Variants in THSD4 observed in about 807,000 individuals in gnomAD.
THSD4 encodes thrombospondin type 1 domain containing 4, also known as thrombospondin type-1 domain-containing protein 4.
THSD4 carries 69 observed loss-of-function variants against 119.0 expected under a neutral mutation model. The observed-to-expected ratio is 0.58, with a 90% CI of 0.48 to 0.71. The LOEUF is 0.71. Ranked by LOEUF, THSD4 falls within the 30% of genes least tolerant of loss-of-function variation. The pLI is 0.00. For synonymous variants in THSD4, 524 were observed against 540.4 expected, an observed-to-expected ratio of 0.97 and a Z score of 0.42; for missense variants, 1,393 against 1,391.1, an observed-to-expected ratio of 1.00 and a Z score of -0.02.
intron 6 of THSD4, among the ~76,000 whole-genome samples, chr15:71,306,209 G>A (rs779740875): frequency 4.2e-4 from 63 of 150,718 alleles, no homozygotes; most frequent in Non-Finnish European, 7.7e-4. Flanking sequence ...GGGAGGCTGA[G>A]GCAGGAGAAT....
At chr15:71,369,429 A>G (rs1247792713) in intron 6 of THSD4, among the ~76,000 whole-genome samples, 18 of 152,158 alleles carry the variant, frequency 1.2e-4, no homozygotes, top group Admixed American at 1.0e-3. Context: ...TGTCATGGAT[A>G]GCTCTTATTA....
chr15:71,703,717 A>ATG (rs2052338621), intron 8 of THSD4, among the ~76,000 whole-genome samples: 1 of 152,144 alleles, frequency 6.6e-6, no homozygotes, highest in Non-Finnish European at 1.5e-5. Flanking sequence ...GATGGGTCTA[A>ATG]TTCCTAGGGA....
At chr15:71,452,366 T>TGG (rs2047277124) in intron 7 of THSD4, among the ~76,000 whole-genome samples, 1 of 151,784 alleles carries the variant, frequency 6.6e-6, no homozygotes, top group East Asian at 2.0e-4. Context: ...CCCCCAGGTG[T>TGG]TTCTACCCTG....
intron 1 of THSD4, among the ~76,000 whole-genome samples, chr15:71,138,129 G>C (rs1243434838): frequency 6.6e-6 from 1 of 152,144 alleles, no homozygotes; most frequent in Non-Finnish European, 1.5e-5. Flanking sequence ...AAATAAAGGA[G>C]ATTTAATTGA....
At chr15:71,227,440 C>T (rs1443785858) in intron 4 of THSD4, among the ~76,000 whole-genome samples, 1 of 152,154 alleles carries the variant, frequency 6.6e-6, no homozygotes, top group African/African-American at 2.4e-5. Context: ...TGCCAGCCTG[C>T]GATGCCTTCA....
chr15:71,653,248 T>C (rs2051127136), intron 7 of THSD4, among the ~76,000 whole-genome samples: 2 of 152,264 alleles, frequency 1.3e-5, no homozygotes, highest in African/African-American at 2.4e-5. Context: ...GGAACTATTT[T>C]TGGAAACTGG....
chr15:71,391,905 T>C (rs905599849), intron 6 of THSD4, among the ~76,000 whole-genome samples: 2 of 151,962 alleles, frequency 1.3e-5, no homozygotes, highest in African/African-American at 4.8e-5. Flanking sequence ...AGGAAGGAAA[T>C]AGAATAATGA....
chr15:71,480,018 T>G (rs1040238552), intron 7 of THSD4, among the ~76,000 whole-genome samples: 2 of 152,198 alleles, frequency 1.3e-5, no homozygotes, highest in African/African-American at 4.8e-5. Flanking sequence ...ATACATTGTT[T>G]GTAACTTCCT....
At chr15:71,303,444 A>G (rs558267699) in intron 6 of THSD4, among the ~76,000 whole-genome samples, 1 of 152,348 alleles carries the variant, frequency 6.6e-6, no homozygotes, top group South Asian at 2.1e-4. Flanking sequence ...GTTGCAAAGA[A>G]TAATGTGTTA....
At chr15:71,457,226 G>T (rs2047352361) in intron 7 of THSD4, among the ~76,000 whole-genome samples, 1 of 151,758 alleles carries the variant, frequency 6.6e-6, no homozygotes, top group South Asian at 2.1e-4. Context: ...CACAAAAAAT[G>T]TAAAAATTAG....
intron 6 of THSD4, among the ~76,000 whole-genome samples, chr15:71,340,497 T>C (rs906144542): frequency 6.6e-6 from 1 of 152,094 alleles, no homozygotes; most frequent in African/African-American, 2.4e-5. Flanking sequence ...TTTTCCGCTG[T>C]GCTGGGAGCT....
chr15:71,614,989 G>A (rs955992118), intron 7 of THSD4, among the ~76,000 whole-genome samples: 7 of 152,146 alleles, frequency 4.6e-5, no homozygotes, highest in African/African-American at 9.7e-5. Context: ...GGTGTTGCGC[G>A]GAATAGGAAG....
upstream of THSD4, chr15:71,111,690 C>A (rs1258354213): frequency 1.7e-5 from 9 of 539,624 alleles, no homozygotes; most frequent in African/African-American, 1.7e-4. Flanking sequence ...TCCTTCAGAG[C>A]TTGAAATTAG....
Position 71,696,784 on chromosome 15 carries a change from C to G in THSD4, c.1358-31765C>G, listed in dbSNP as rs78144917. On this transcript the variant is annotated intron_variant, in intron 8 of 17. Transcript: ENST00000261862. ...AGGAAAACTCATGCTTCCTTCCAGC[C>G]CACCCCACTACAGGGCTTTGAGGCA... is the stretch of plus-strand genomic sequence containing the variant. Among the ~76,000 whole-genome samples, 1,478 of 152,226 alleles carry G rather than the reference C, an allele frequency of 9.7e-3. 19 individuals are homozygous for G. Among genetic ancestry groups the G allele is most frequent in the African/African-American group, 0.034 (1,401 of 41,540 alleles).
intron 4 of THSD4, among the ~76,000 whole-genome samples, chr15:71,221,920 T>G (rs2043978588): frequency 6.6e-6 from 1 of 152,202 alleles, no homozygotes; most frequent in African/African-American, 2.4e-5. Context: ...TTTCTGTTTT[T>G]TTTTGATAGT....
intron 16 of THSD4, among the ~76,000 whole-genome samples, chr15:71,766,382 C>G (rs953900418): frequency 6.6e-6 from 1 of 151,988 alleles, no homozygotes; most frequent in African/African-American, 2.4e-5. Context: ...GATCTTCAAG[C>G]AGAGGCTGTA....
rs570709393 is a variant in THSD4 at position 71,265,752 on chromosome 15, C to T, written c.1015+9037C>T. ...ACAGCAGTCTGAAGTCGACCTTAGACGCTTGAGCTTTGTGGGGGGGGAGGG... is the reference window on the plus strand; with the variant it reads ...ACAGCAGTCTGAAGTCGACCTTAGATGCTTGAGCTTTGTGGGGGGGGAGGG... On this transcript the variant is annotated intron_variant, in intron 6 of 17. Transcript: ENST00000261862. Among the ~76,000 whole-genome samples, 11 of 152,270 alleles carry T rather than the reference C, an allele frequency of 7.2e-5. 1 individual carries two copies. The South Asian group carries it at 1.7e-3, about 23-fold the overall frequency.
intron 7 of THSD4, among the ~76,000 whole-genome samples, chr15:71,443,714 A>G (rs1001302697): frequency 4.6e-5 from 7 of 152,182 alleles, no homozygotes; most frequent in African/African-American, 1.7e-4. Context: ...TTTGAAAAGC[A>G]TAAAAGGTGC....
chr15:71,493,921 A>C (rs1051409479), intron 7 of THSD4, among the ~76,000 whole-genome samples: 3 of 152,200 alleles, frequency 2.0e-5, no homozygotes, highest in African/African-American at 7.2e-5. Flanking sequence ...CTGCATGTGA[A>C]CCCTGTCCTG....
Sources: allele counts gnomAD v4.1 joint callset (sites outside exome capture counted in the v4.1 genomes callset), GRCh38; gene constraint gnomAD v4.1.1; transcripts MANE v1.5; gene names NCBI Gene and HGNC (gene_info 2026-07-23, HGNC 2026-07-21).